Variants in CCDC178 observed in about 807,000 individuals in gnomAD.
The protein encoded by CCDC178 is coiled-coil domain containing 178, also known as coiled-coil domain-containing protein 178.
CCDC178 carries 126 observed loss-of-function variants against 117.4 expected under a neutral mutation model. The ratio of observed to expected loss-of-function variants is 1.07; its 90% CI spans 0.93 to 1.24. CCDC178 has a LOEUF of 1.24. CCDC178 is among the 50% of genes most tolerant of loss of function. The pLI is 0.00. For synonymous variants in CCDC178, 283 were observed against 313.4 expected, an observed-to-expected ratio of 0.90 and a Z score of 1.02; for missense variants, 1,030 against 986.9, an observed-to-expected ratio of 1.04 and a Z score of -0.59.
intron 5 of CCDC178, among the ~76,000 whole-genome samples, chr18:33,380,257 C>T (rs546460180): frequency 2.0e-5 from 3 of 152,288 alleles, no homozygotes; most frequent in African/African-American, 7.2e-5. Flanking sequence ...AATACAATTC[C>T]AGCACCTACT....
At chr18:33,015,336 G>A (rs2055962259) in intron 21 of CCDC178, among the ~76,000 whole-genome samples, 1 of 151,652 alleles carries the variant, frequency 6.6e-6, no homozygotes, top group Non-Finnish European at 1.5e-5. Context: ...AGGCCAAGGC[G>A]GGGCAGATCA....
At chr18:33,001,381 T>G (rs200282938) in intron 21 of CCDC178, among the ~76,000 whole-genome samples, 1 of 150,260 alleles carries the variant, frequency 6.7e-6, no homozygotes, top group African/African-American at 2.5e-5. Context: ...GATGTGGTGG[T>G]GGGTGCCTGT....
At chr18:32,946,972 G>C (rs1289076883) in intron 22 of CCDC178, among the ~76,000 whole-genome samples, 1 of 151,814 alleles carries the variant, frequency 6.6e-6, no homozygotes, top group African/African-American at 2.4e-5. Context: ...AGTAGAGACG[G>C]GGTTTCACCG....
At chr18:33,287,814 C>A (rs1208961102) in intron 12 of CCDC178, among the ~76,000 whole-genome samples, 1 of 151,920 alleles carries the variant, frequency 6.6e-6, no homozygotes, top group Non-Finnish European at 1.5e-5. Flanking sequence ...AAATAAATAA[C>A]ATTTTGTTAA....
intron 12 of CCDC178, among the ~76,000 whole-genome samples, chr18:33,272,478 T>C (rs1056420291): frequency 4.2e-4 from 64 of 151,598 alleles, no homozygotes; most frequent in Middle Eastern, 3.2e-3. Context: ...TGTTAAAAGA[T>C]GAATCGACAT....
chr18:33,066,092 A>T (rs984818868), intron 21 of CCDC178, among the ~76,000 whole-genome samples: 2 of 151,798 alleles, frequency 1.3e-5, no homozygotes, highest in African/African-American at 4.8e-5. Context: ...CGATCTCCTG[A>T]CCTCGTGATC....
At chr18:33,045,912 A>C in intron 21 of CCDC178, among the ~76,000 whole-genome samples, 1 of 152,042 alleles carries the variant, frequency 6.6e-6, no homozygotes, top group East Asian at 1.9e-4. Context: ...AAAAAAAACA[A>C]AAAAAATTAG....
chr18:33,155,241 G>T (rs1207187790), intron 20 of CCDC178, among the ~76,000 whole-genome samples: 1 of 151,928 alleles, frequency 6.6e-6, no homozygotes, highest in Non-Finnish European at 1.5e-5. Flanking sequence ...GTGAATTAAA[G>T]AACACATTTC....
intron 22 of CCDC178, among the ~76,000 whole-genome samples, chr18:32,964,529 C>T (rs1300227094): frequency 1.3e-5 from 2 of 151,880 alleles, no homozygotes; most frequent in Non-Finnish European, 2.9e-5. Flanking sequence ...TTTTCAGAGT[C>T]GTCTTAACAC....
intron 12 of CCDC178, among the ~76,000 whole-genome samples, chr18:33,289,195 G>T (rs1231588554): frequency 6.6e-6 from 1 of 151,932 alleles, no homozygotes; most frequent in Non-Finnish European, 1.5e-5. Context: ...ATGAATTTAG[G>T]TTAATATTCT....
chr18:33,255,908 A>G (rs2059673644), intron 14 of CCDC178, among the ~76,000 whole-genome samples: 1 of 151,810 alleles, frequency 6.6e-6, no homozygotes. Context: ...GGCATCCTGA[A>G]TCTCAAAAAG....
intron 12 of CCDC178, among the ~76,000 whole-genome samples, chr18:33,274,620 A>C (rs1420106255): frequency 6.6e-6 from 1 of 152,054 alleles, no homozygotes; most frequent in East Asian, 1.9e-4. Context: ...GACCCTTGAA[A>C]ACCAGGGTCT....
chr18:33,278,717 G>A (rs996459804), intron 12 of CCDC178, among the ~76,000 whole-genome samples: 31 of 152,014 alleles, frequency 2.0e-4, no homozygotes, highest in African/African-American at 6.8e-4. Context: ...ACCTCTAAAT[G>A]CGGACTGTGA....
chr18:33,233,729 A>G (rs1226497213), intron 15 of CCDC178, among the ~76,000 whole-genome samples: 1 of 152,112 alleles, frequency 6.6e-6, no homozygotes, highest in Non-Finnish European at 1.5e-5. Flanking sequence ...TATCACCCAA[A>G]GGTACCATAT....
intron 22 of CCDC178, among the ~76,000 whole-genome samples, chr18:32,974,319 G>T: frequency 6.6e-6 from 1 of 152,140 alleles, no homozygotes; most frequent in African/African-American, 2.4e-5. Flanking sequence ...ATAGAAATCA[G>T]TTCTGAGGTT....
chr18:33,122,482 G>A (rs1233280429), intron 20 of CCDC178, among the ~76,000 whole-genome samples: 2 of 152,168 alleles, frequency 1.3e-5, no homozygotes, highest in African/African-American at 4.8e-5. Flanking sequence ...GCATAATGCT[G>A]TGTTATTAAA....
At chr18:33,319,766 G>C (rs1451087920) in intron 11 of CCDC178, among the ~76,000 whole-genome samples, 1 of 152,152 alleles carries the variant, frequency 6.6e-6, no homozygotes, top group Non-Finnish European at 1.5e-5. Context: ...TTGTGGTTTT[G>C]ATTTGCATTT....
chr18:33,105,768 T>A lies in CCDC178; in HGVS notation c.2239-12858A>T, dbSNP rs192580936. On this transcript the variant is annotated intron_variant, in intron 20 of 22. Coordinates refer to ENST00000383096, the MANE Select transcript of CCDC178 (RefSeq NM_001105528.4). ...AATCTCTCTGTGTTGCATTCCAGTTTACTTGTAGGTTTTCCTTGGAAGGCT... is the reference window on the plus strand; with the variant it reads ...AATCTCTCTGTGTTGCATTCCAGTTAACTTGTAGGTTTTCCTTGGAAGGCT... Among the ~76,000 whole-genome samples the A allele has an allele frequency of 1.2e-3, 182 of 151,804 alleles. 1 individual carries two copies. The highest frequency in any genetic ancestry group is 4.0e-3 in the African/African-American group (168 of 41,524).
intron 2 of CCDC178, among the ~76,000 whole-genome samples, chr18:33,412,365 T>TA (rs1362863674): frequency 6.6e-6 from 1 of 152,136 alleles, no homozygotes; most frequent in Non-Finnish European, 1.5e-5. Flanking sequence ...CTAGGCTGAC[T>TA]ACGAGATAAT....
Sources: gnomAD v4.1 joint callset for allele counts (sites outside exome capture counted in the v4.1 genomes callset) on GRCh38, gnomAD v4.1.1 for gene constraint, MANE v1.5 for transcripts, NCBI Gene and HGNC (gene_info 2026-07-23, HGNC 2026-07-21) for gene names.